The following LRIG2 variants were observed in gnomAD, a reference collection of about 807,000 sequenced individuals.
LRIG2 encodes the protein leucine-rich repeats and immunoglobulin-like domains protein 2.
A neutral mutation model predicts 107.8 loss-of-function variants in LRIG2; 93 were observed. That is an observed-to-expected ratio of 0.86 (90% CI 0.73 to 1.03). The LOEUF is 1.03. LRIG2 is among the 50% of genes least tolerant of loss of function. LRIG2 has a pLI of 0.00. For missense variants in LRIG2, 1,226 were observed against 1,296.0 expected (o/e 0.95, Z 0.83); for synonymous variants, 471 against 470.6 (o/e 1.00, Z -0.01).
At chr1:113,122,670 C>T (rs1048156977) in intron 17 of LRIG2, among the ~76,000 whole-genome samples, 1 of 152,144 alleles carries the variant, frequency 6.6e-6, no homozygotes, top group Non-Finnish European at 1.5e-5. Context: ...GGCCCATTGG[C>T]GATTTTTTAT....
At chr1:113,122,920 T>C (rs1655325665) in intron 17 of LRIG2, among the ~76,000 whole-genome samples, 1 of 152,250 alleles carries the variant, frequency 6.6e-6, no homozygotes, top group African/African-American at 2.4e-5. Context: ...TTTGTTTTTA[T>C]AATGTTTGGC....
intron 9 of LRIG2, among the ~76,000 whole-genome samples, chr1:113,099,284 C>A (rs1401882252): frequency 7.9e-6 from 1 of 127,352 alleles, no homozygotes; most frequent in African/African-American, 3.0e-5. Flanking sequence ...GTCACCCAGG[C>A]TGGAGTGCTG....
At position 113,094,707 on chromosome 1, in the gene LRIG2, G is replaced by T. The variant is rs752373673; in HGVS notation, c.755G>T (p.Ser252Ile). 6.2e-7 allele frequency: 1 copy of T among 1,613,806 alleles called. No individual in the cohort carries two copies. The highest frequency in any genetic ancestry group is 8.5e-7 in the Non-Finnish European group (1 of 1,179,926). Residue 252 changes from serine (S) to isoleucine (I), a missense_variant, in exon 6 of 18, where the codon AGC (serine) becomes ATC (isoleucine). Coordinates refer to ENST00000361127, the MANE Select transcript of LRIG2 (RefSeq NM_014813.3). ...TTGAAAATGCAGCGGAATGGAATTA[G>T]CAAACTTAAGGATGGAGCATTTTTT... The part of the protein sequence containing the change: ...RSLKMQRNGI[S>I]KLKDGAFFGL...
rs141380673 is a variant in LRIG2 at position 113,094,385 on chromosome 1, G to A, written c.562G>A (p.Asp188Asn). ...AACCACCTTGGAGGCTGGTTGCTTCGATAATTTATCAAGTTCCTTATTAGT... is the reference window on the plus strand; with the variant it reads ...AACCACCTTGGAGGCTGGTTGCTTCAATAATTTATCAAGTTCCTTATTAGT... ...RITTLEAGCF[D>N]NLSSSLLVVK... is the part of the protein sequence containing the mutation. The change falls in exon 5 of 18, where the codon GAT becomes AAT. Residue 188 changes from aspartate (D) to asparagine (N), a missense_variant. Physicochemically the swap from Asp to Asn is conservative, Grantham distance 23. Coordinates refer to ENST00000361127, the MANE Select transcript of LRIG2 (RefSeq NM_014813.3). 1.5e-5 allele frequency: 24 copies of A among 1,612,886 alleles called. No individual in the cohort carries two copies. The highest frequency in any genetic ancestry group is 5.3e-5 in the African/African-American group (4 of 74,990).
intron 1 of LRIG2, among the ~76,000 whole-genome samples, chr1:113,088,993 AG>A (rs1653678078): frequency 6.6e-6 from 1 of 152,214 alleles, no homozygotes; most frequent in Admixed American, 6.5e-5. Context: ...GGAATATTTT[AG>A]AACTGTTGTG....
At position 113,100,156 on chromosome 1, in the gene LRIG2, G is replaced by T. The variant is rs1335783147; in HGVS notation, c.1173-55G>T. 5 of 1,066,444 alleles carry T rather than the reference G, an allele frequency of 4.7e-6. No individual in the cohort carries two copies. In the East Asian group the frequency reaches 9.7e-5, roughly 21 times the overall value. 66.1% of individuals were successfully genotyped at this position (1,066,444 alleles called of 1,614,324 possible). The stretch of plus-strand genomic sequence containing the variant: ...CACTTTTTATAGGTAAATGTTTAAT[G>T]AATTTAATTTTGTTTAGTGGAGAGC... On this transcript the variant is annotated intron_variant, in intron 9 of 17. Coordinates refer to ENST00000361127, the MANE Select transcript of LRIG2 (RefSeq NM_014813.3).
At chr1:113,083,565 C>T (rs1175532756) in intron 1 of LRIG2, among the ~76,000 whole-genome samples, 4 of 151,532 alleles carry the variant, frequency 2.6e-5, no homozygotes, top group East Asian at 1.9e-4. Context: ...AGGCTGGTCT[C>T]GAACTCCAGA....
rs1655685901 is a variant in LRIG2, at chr1:113,130,970, G to T, written c.*6869G>T. ...TTTTTAAGACACAGTCTCGCTTATT[G>T]CCCCGGCTGGAGTGCAGTGGCACGG... On this transcript the variant is annotated 3_prime_UTR_variant, in exon 18 of 18. Coordinates refer to ENST00000361127, the MANE Select transcript of LRIG2 (RefSeq NM_014813.3). 1 of 151,326 alleles carries T rather than the reference G, an allele frequency of 6.6e-6. No individual in the cohort carries two copies. Among genetic ancestry groups the T allele is most frequent in the African/African-American group, 2.4e-5 (1 of 41,068 alleles). The allele number at this position is 151,326 out of a possible 1,614,324, so 9.4% of individuals were successfully genotyped here. A position where few individuals can be genotyped will look rare whatever the true frequency, so the allele number is the denominator to read the frequency against.
At position 113,095,884 on chromosome 1, in the gene LRIG2, C is replaced by T. The variant is rs779273824; in HGVS notation, c.814C>T (p.His272Tyr). Residue 272 changes from histidine to tyrosine, a missense_variant, in exon 7 of 18, where the codon CAC becomes TAC. This residue lies in a region of LRIG2 where 570 missense variants were observed against 550.2 expected (regional missense o/e 1.04). Coordinates refer to ENST00000361127, the MANE Select transcript of LRIG2 (RefSeq NM_014813.3). ...TCTCTAATTCTGCAGAGAACTGGAA[C>T]ACAACAACCTTACACGAGTAAACAA... The part of the protein sequence containing the change: ...LNNMEELELE[H>Y]NNLTRVNKGW... 3 of 1,614,078 alleles carry T rather than the reference C, an allele frequency of 1.9e-6. No homozygotes were observed. The highest frequency in any genetic ancestry group is 1.3e-5 in the African/African-American group (1 of 74,920).
chr1:113,107,528 T>C, intron 11 of LRIG2, 66 bp from the exon 12 acceptor site: 1 of 1,467,220 alleles, frequency 6.8e-7, no homozygotes, highest in South Asian at 1.2e-5. Flanking sequence ...GGTAAGGTTT[T>C]AATACTGAAG....
intron 1 of LRIG2, among the ~76,000 whole-genome samples, chr1:113,089,134 G>A (rs1218471302): frequency 6.6e-6 from 1 of 152,216 alleles, no homozygotes; most frequent in East Asian, 1.9e-4. Flanking sequence ...TAATGTGATA[G>A]AGACATTATT....
At chr1:113,101,288 G>T (rs1018166135) in intron 11 of LRIG2, among the ~76,000 whole-genome samples, 2 of 152,092 alleles carry the variant, frequency 1.3e-5, no homozygotes, top group Admixed American at 1.3e-4. Flanking sequence ...AGCTGGTCTC[G>T]AACTCCTGAC....
rs1007401395 is a variant in LRIG2, at chr1:113,119,666, A to T, written c.2971+143A>T. ...AACTGGCCATTGTTAAATGGTATAA[A>T]CTATAGCCAGAGATTTCTGCATACT... On this transcript the variant is annotated intron_variant, in intron 17 of 17. Coordinates refer to ENST00000361127, the MANE Select transcript of LRIG2 (RefSeq NM_014813.3). 1.6e-5 allele frequency: 12 copies of T among 735,988 alleles called. No individual in the cohort carries two copies. The Middle Eastern group carries it at 1.0e-3, about 63-fold the overall frequency. The allele number at this position is 735,988 out of a possible 1,614,324, so 45.6% of individuals were successfully genotyped here.
chr1:113,124,070 G>C lies in LRIG2; in HGVS notation c.3167G>C (p.Arg1056Pro). Residue 1056 changes from arginine to proline, a missense_variant, in exon 18 of 18, where the codon CGG becomes CCG. Arg to Pro is a moderately radical substitution (Grantham distance 103). Around this residue, in one of 3 missense-constraint regions of LRIG2, gnomAD observed 642 missense variants for 712.2 expected, o/e 0.90. Coordinates refer to ENST00000361127, the MANE Select transcript of LRIG2 (RefSeq NM_014813.3). ...QDHAFDFSRT[R>P]NIQDGSEGT ...CATGCTTTTGATTTTAGTAGGACTCGGAACATTCAAGATGGTAGTGAGGGC... is the reference window on the plus strand; with the variant it reads ...CATGCTTTTGATTTTAGTAGGACTCCGAACATTCAAGATGGTAGTGAGGGC... 1 of 1,614,104 alleles carries C rather than the reference G, an allele frequency of 6.2e-7. No homozygotes were observed. The highest frequency in any genetic ancestry group is 2.2e-5 in the East Asian group (1 of 44,876).
intron 2 of LRIG2, 41 bp downstream of exon 2, chr1:113,091,424 G>C (rs1425952957): frequency 4.7e-6 from 6 of 1,275,530 alleles, no homozygotes; most frequent in South Asian, 1.3e-5. Flanking sequence ...TTAAATTCCT[G>C]AGGGAACTTA....
intron 1 of LRIG2, among the ~76,000 whole-genome samples, chr1:113,086,823 C>T (rs1279159386): frequency 6.6e-6 from 1 of 152,178 alleles, no homozygotes; most frequent in African/African-American, 2.4e-5. Flanking sequence ...ATCAGGCCCT[C>T]TGAGAGACCT....
At chr1:113,100,188 A>AG (rs1244023904) in intron 9 of LRIG2, 23 bp from the exon 10 acceptor site, 5 of 1,430,250 alleles carry the variant, frequency 3.5e-6, no homozygotes, top group Non-Finnish European at 4.8e-6. Context: ...GAGCTTTCTT[A>AG]GAAAGATCTG....
intron 15 of LRIG2, among the ~76,000 whole-genome samples, chr1:113,115,503 G>A (rs887255628): frequency 4.6e-5 from 7 of 150,990 alleles, no homozygotes; most frequent in East Asian, 3.9e-4. Flanking sequence ...GAGCCACTGC[G>A]TCTGACCAAT....
chr1:113,119,437 C>G lies in LRIG2; in HGVS notation c.2885C>G (p.Pro962Arg). Residue 962 changes from proline to arginine, a missense_variant, in exon 17 of 18, where the codon CCG becomes CGG. Pro to Arg is a moderately radical substitution (Grantham distance 103, BLOSUM62 -2). This residue lies in a region of LRIG2 where 642 missense variants were observed against 712.2 expected (regional missense o/e 0.90). Coordinates refer to ENST00000361127, the MANE Select transcript of LRIG2 (RefSeq NM_014813.3). Reference protein sequence around the residue: ...QDTTALESLIPSANREPSAFP... With the variant: ...QDTTALESLIRSANREPSAFP... ...ACTACTGCCCTAGAGAGCCTGATAC[C>G]GTCAGCCAACAGAGAGCCATCTGCC... 1 of 1,613,998 alleles carries G rather than the reference C, an allele frequency of 6.2e-7. No homozygotes were observed. The highest frequency in any genetic ancestry group is 8.5e-7 in the Non-Finnish European group (1 of 1,179,978).
Sources: allele counts gnomAD v4.1 joint callset (sites outside exome capture counted in the v4.1 genomes callset), GRCh38; gene constraint gnomAD v4.1.1; regional missense constraint gnomAD v4.1.1; transcripts MANE v1.5; gene names NCBI Gene and HGNC (gene_info 2026-07-23, HGNC 2026-07-21).